The following KIAA1549 variants were observed in gnomAD, a reference collection of about 807,000 sequenced individuals.
The protein encoded by KIAA1549 is UPF0606 protein KIAA1549.
In KIAA1549, 70 loss-of-function variants were observed where a neutral mutation model predicts 156.4. That is an observed-to-expected ratio of 0.45 (90% confidence interval 0.37 to 0.55). The LOEUF is 0.55. Ranked by LOEUF, KIAA1549 falls within the 20% of genes least tolerant of loss-of-function variation. The probability of loss-of-function intolerance (pLI) is 0.00; values close to 1 mark genes in which losing one functional copy is unlikely to be tolerated. For missense variants in KIAA1549, 2,428 were observed against 2,540.9 expected, an observed-to-expected ratio of 0.96 and a Z score of 0.96; for synonymous variants, 1,103 against 1,066.4, an observed-to-expected ratio of 1.03 and a Z score of -0.67.
intron 15 of KIAA1549, 98 bp downstream of exon 15, chr7:138,867,877 G>T: frequency 7.6e-7 from 1 of 1,310,472 alleles, no homozygotes; most frequent in South Asian, 1.4e-5. Flanking sequence ...ATACCACACA[G>T]GGCGGCAGCC....
intron 16 of KIAA1549, among the ~76,000 whole-genome samples, chr7:138,853,528 C>CT (rs1324022789): frequency 1.3e-5 from 2 of 152,196 alleles, no homozygotes; most frequent in South Asian, 2.1e-4. Context: ...GTCACACAGA[C>CT]TGGCTTAACA....
intron 10 of KIAA1549, among the ~76,000 whole-genome samples, chr7:138,893,028 T>C (rs10270422): frequency 0.034 from 5,180 of 152,326 alleles, 310 homozygotes; most frequent in African/African-American, 0.12. Flanking sequence ...ATACTTATGC[T>C]GTACTAGTGA....
At chr7:138,881,632 G>T in intron 10 of KIAA1549, 48 bp from the exon 11 acceptor site, 1 of 1,525,660 alleles carries the variant, frequency 6.6e-7, no homozygotes. Context: ...GGAATCCAAG[G>T]CTGATGAGAG....
chr7:138,928,870 G>A (rs1584763909), intron 1 of KIAA1549, among the ~76,000 whole-genome samples: 1 of 152,074 alleles, frequency 6.6e-6, no homozygotes, highest in Non-Finnish European at 1.5e-5. Context: ...AAACCTGCAT[G>A]TTGTGCACAT....
chr7:138,975,433 G>A (rs560866445), intron 1 of KIAA1549, among the ~76,000 whole-genome samples: 242 of 152,236 alleles, frequency 1.6e-3, no homozygotes, highest in Non-Finnish European at 3.0e-3. Flanking sequence ...AAAAAGGACA[G>A]ATGCTGCTTA....
Position 138,895,238 on chromosome 7 carries a change from A to C in KIAA1549, c.3848-712T>G, listed in dbSNP as rs114583287. 4.1e-3 allele frequency among the ~76,000 whole-genome samples: 627 copies of C among 152,352 alleles called. 6 individuals carry two copies. The highest frequency in any genetic ancestry group is 0.014 in the African/African-American group (600 of 41,578). Reference sequence around the variant, plus strand: ...ATTTCATATTGCACTAGTGCCAAACACAAAGCAAAACAGAGTAAGGAGATA... The same window carrying C: ...ATTTCATATTGCACTAGTGCCAAACCCAAAGCAAAACAGAGTAAGGAGATA... On this transcript the variant is annotated intron_variant, in intron 9 of 19. Coordinates refer to ENST00000422774, the MANE Select transcript of KIAA1549 (RefSeq NM_001164665.2).
intron 2 of KIAA1549, among the ~76,000 whole-genome samples, chr7:138,912,771 G>A (rs1034630036): frequency 2.0e-5 from 3 of 152,124 alleles, no homozygotes; most frequent in African/African-American, 7.2e-5. Flanking sequence ...CCAGCCAGGG[G>A]ACAAGGAGCT....
intron 1 of KIAA1549, among the ~76,000 whole-genome samples, chr7:138,935,848 G>A (rs1180028540): frequency 6.6e-6 from 1 of 152,210 alleles, no homozygotes; most frequent in African/African-American, 2.4e-5. Context: ...AGAGAGAGGG[G>A]TCACGCCGGC....
At chr7:138,953,771 AT>A (rs1470136018) in intron 1 of KIAA1549, among the ~76,000 whole-genome samples, 1 of 152,222 alleles carries the variant, frequency 6.6e-6, no homozygotes, top group East Asian at 1.9e-4. Context: ...CTTCCATACA[AT>A]ACAAATACAT....
chr7:138,971,329 C>T (rs747354623), intron 1 of KIAA1549, among the ~76,000 whole-genome samples: 27 of 152,186 alleles, frequency 1.8e-4, no homozygotes, highest in Non-Finnish European at 3.4e-4. Context: ...TAGACCCATA[C>T]TCCCCCATAC....
At chr7:138,963,711 C>T (rs1005055353) in intron 1 of KIAA1549, among the ~76,000 whole-genome samples, 1 of 152,180 alleles carries the variant, frequency 6.6e-6, no homozygotes, top group Non-Finnish European at 1.5e-5. Context: ...TTTAAGGCAT[C>T]GACTTCCTCC....
intron 6 of KIAA1549, among the ~76,000 whole-genome samples, chr7:138,905,837 TA>T (rs767849042): frequency 1.3e-5 from 2 of 152,244 alleles, no homozygotes; most frequent in Non-Finnish European, 2.9e-5. Context: ...ATTTACACAG[TA>T]AATGTCACTC....
intron 4 of KIAA1549, 99 bp from the exon 5 acceptor site, chr7:138,909,220 T>C: frequency 8.1e-7 from 1 of 1,230,912 alleles, no homozygotes; most frequent in Non-Finnish European, 1.2e-6. Context: ...AATCAACCAA[T>C]TCATCCATAG....
chr7:138,885,378 C>T (rs1240250965), intron 10 of KIAA1549, among the ~76,000 whole-genome samples: 1 of 152,230 alleles, frequency 6.6e-6, no homozygotes, highest in African/African-American at 2.4e-5. Context: ...CCAAACACCT[C>T]ATTCTGCTCA....
At position 138,939,991 on chromosome 7, in the gene KIAA1549, AT is replaced by A. The variant is rs780140255; in HGVS notation, c.188-20554del. On this transcript the variant is annotated intron_variant, in intron 1 of 19. Coordinates refer to ENST00000422774, the MANE Select transcript of KIAA1549 (RefSeq NM_001164665.2). ...GCAAGACCCCATTTCTACAAAAAAAATTTTTTTTTTAATTTTAATTTAAAAA... is the reference window on the plus strand; with the variant it reads ...GCAAGACCCCATTTCTACAAAAAAAATTTTTTTTTAATTTTAATTTAAAAA... 1.8e-3 allele frequency among the ~76,000 whole-genome samples: 268 copies of A among 151,366 alleles called. 3 individuals are homozygous for A. Among genetic ancestry groups the A allele is most frequent in the Non-Finnish European group, 2.6e-3 (175 of 67,766 alleles).
At position 138,903,828 on chromosome 7, in the gene KIAA1549, TGTGTGTGTGTGTGTGTGTGTGTGTGCGC is replaced by T. The variant is rs1171929168; in HGVS notation, c.3521-120_3521-93del. The T allele has an allele frequency of 1.8e-4, 59 of 327,816 alleles. 2 individuals carry two copies. The highest frequency in any genetic ancestry group is 1.9e-3 in the Middle Eastern group (2 of 1,040). The allele number at this position is 327,816 out of a possible 1,614,324, so 20.3% of individuals were successfully genotyped here. ...GTGTGTGTGTGTGTGTGTGTGTGTG[TGTGTGTGTGTGTGTGTGTGTGTGTGCGC>T]GCGCGCGCGCGCGCACATATGTATT... On this transcript the variant is annotated intron_variant, in intron 7 of 19. Coordinates refer to ENST00000422774, the MANE Select transcript of KIAA1549 (RefSeq NM_001164665.2).
chr7:138,840,758 C>T lies in KIAA1549; in HGVS notation c.5453-480G>A, dbSNP rs112917265. Among the ~76,000 whole-genome samples the T allele has an allele frequency of 2.8e-3, 429 of 152,286 alleles. 1 individual carries two copies. Among genetic ancestry groups the T allele is most frequent in the African/African-American group, 9.8e-3 (406 of 41,562 alleles). On this transcript the variant is annotated intron_variant, in intron 18 of 19. Coordinates refer to ENST00000422774, the MANE Select transcript of KIAA1549 (RefSeq NM_001164665.2). ...TTCTACCAGCCCATCAGAAAGCCCACGGGCTCCTCTCCTGAAACACTGTGT... is the reference window on the plus strand; with the variant it reads ...TTCTACCAGCCCATCAGAAAGCCCATGGGCTCCTCTCCTGAAACACTGTGT...
At chr7:138,977,103 A>T (rs942845942) in intron 1 of KIAA1549, among the ~76,000 whole-genome samples, 1 of 152,242 alleles carries the variant, frequency 6.6e-6, no homozygotes, top group African/African-American at 2.4e-5. Context: ...CAATAAAAAA[A>T]TTATTAAAAG....
At chr7:138,920,167 C>G in intron 1 of KIAA1549, among the ~76,000 whole-genome samples, 2 of 145,930 alleles carry the variant, frequency 1.4e-5, no homozygotes, top group Non-Finnish European at 3.0e-5. Context: ...CCTGGAATGC[C>G]CTTCCCAGCT....
Sources: gnomAD v4.1 joint callset for allele counts (sites outside exome capture counted in the v4.1 genomes callset) on GRCh38, gnomAD v4.1.1 for gene constraint, MANE v1.5 for transcripts, NCBI Gene and HGNC (gene_info 2026-07-23, HGNC 2026-07-21) for gene names.